GNAI1: variants seen among roughly 807,000 people sequenced by gnomAD.
GNAI1 encodes the protein G protein subunit alpha i1, also known as guanine nucleotide-binding protein G(i) subunit alpha-1.
In GNAI1, 11 loss-of-function variants were observed where a neutral mutation model predicts 38.9. The observed-to-expected ratio is 0.28, with a 90% CI of 0.18 to 0.47. The LOEUF (loss-of-function observed/expected upper bound fraction) is 0.47. GNAI1 is among the 20% of genes least tolerant of loss of function. GNAI1 has a pLI of 0.99. For synonymous variants in GNAI1, 166 were observed against 145.1 expected (o/e 1.14, Z -1.04); for missense variants, 317 against 436.9 (o/e 0.73, Z 2.45).
intron 1 of GNAI1, among the ~76,000 whole-genome samples, chr7:80,139,135 A>G (rs1787478330): frequency 6.9e-6 from 1 of 144,104 alleles, no homozygotes; most frequent in Non-Finnish European, 1.5e-5. Context: ...TTCTCATGGC[A>G]TACCTTGTAT....
chr7:80,207,499 C>T (rs1157873338), intron 5 of GNAI1, among the ~76,000 whole-genome samples: 3 of 152,044 alleles, frequency 2.0e-5, no homozygotes, highest in Non-Finnish European at 4.4e-5. Flanking sequence ...TATTTGGTGA[C>T]TTAAAGATAA....
At chr7:80,177,133 C>T (rs1225387104) in intron 1 of GNAI1, among the ~76,000 whole-genome samples, 2 of 148,720 alleles carry the variant, frequency 1.3e-5, no homozygotes, top group Non-Finnish European at 3.0e-5. Context: ...CGGGTTCATG[C>T]CATTCTCCTG....
chr7:80,196,183 A>G (rs17153558), intron 3 of GNAI1, among the ~76,000 whole-genome samples: 34,196 of 151,942 alleles, frequency 0.23, 5,258 homozygotes, highest in African/African-American at 0.43. Context: ...AGAGCACATG[A>G]ATATATGAAC....
At chr7:80,188,790 C>G (rs1033544463) in intron 1 of GNAI1, among the ~76,000 whole-genome samples, 161 bp from the exon 2 acceptor site, 2 of 151,822 alleles carry the variant, frequency 1.3e-5, no homozygotes, top group African/African-American at 4.8e-5. Context: ...TATTTGCTGC[C>G]TTGTATCTCA....
intron 1 of GNAI1, among the ~76,000 whole-genome samples, chr7:80,162,892 A>G (rs1418131621): frequency 6.6e-6 from 1 of 152,202 alleles, no homozygotes; most frequent in African/African-American, 2.4e-5. Context: ...TGTGTGGGTA[A>G]TATTGATAGG....
intron 1 of GNAI1, among the ~76,000 whole-genome samples, chr7:80,180,835 G>A (rs1413536199): frequency 6.6e-6 from 1 of 152,088 alleles, no homozygotes; most frequent in Non-Finnish European, 1.5e-5. Flanking sequence ...TCCTGACTGG[G>A]CTTCATGTAA....
chr7:80,161,320 T>C (rs1191368674), intron 1 of GNAI1, among the ~76,000 whole-genome samples: 1 of 152,218 alleles, frequency 6.6e-6, no homozygotes, highest in African/African-American at 2.4e-5. Flanking sequence ...TGAAGGCACA[T>C]ACTTATTTAC....
chr7:80,213,644 C>G (rs1788910349), intron 7 of GNAI1, among the ~76,000 whole-genome samples: 1 of 152,040 alleles, frequency 6.6e-6, no homozygotes, highest in Non-Finnish European at 1.5e-5. Context: ...CCCCCTGCAC[C>G]CACCACCTTA....
chr7:80,199,490 A>T (rs1417903618), intron 4 of GNAI1, 108 bp downstream of exon 4: 2 of 764,678 alleles, frequency 2.6e-6, no homozygotes, highest in African/African-American at 3.5e-5. Context: ...TTCTTGTACA[A>T]CTTAGGATAT....
chr7:80,152,434 A>G (rs1019842299), intron 1 of GNAI1, among the ~76,000 whole-genome samples: 2 of 152,090 alleles, frequency 1.3e-5, no homozygotes, highest in Non-Finnish European at 2.9e-5. Context: ...TTTTAACTAG[A>G]TAGTTTAAAA....
At chr7:80,196,357 C>G (rs1788574621) in intron 3 of GNAI1, among the ~76,000 whole-genome samples, 1 of 151,906 alleles carries the variant, frequency 6.6e-6, no homozygotes, top group Non-Finnish European at 1.5e-5. Context: ...CTTTATTAAC[C>G]TGTTAACCCT....
chr7:80,143,344 G>C (rs1421959404), intron 1 of GNAI1, among the ~76,000 whole-genome samples: 1 of 152,052 alleles, frequency 6.6e-6, no homozygotes, highest in South Asian at 2.1e-4. Context: ...TTGATCTTGG[G>C]GGGTGGAGGT....
intron 3 of GNAI1, among the ~76,000 whole-genome samples, chr7:80,197,938 C>T (rs1183531157): frequency 1.3e-5 from 2 of 152,080 alleles, no homozygotes; most frequent in Non-Finnish European, 2.9e-5. Flanking sequence ...TTATAAGCAT[C>T]TGCTACAATA....
intron 7 of GNAI1, among the ~76,000 whole-genome samples, chr7:80,215,305 T>C (rs1237668395): frequency 1.3e-5 from 2 of 152,232 alleles, no homozygotes; most frequent in Non-Finnish European, 2.9e-5. Context: ...CAAATTGAGC[T>C]AGGCACTCAA....
At chr7:80,173,790 A>G (rs1423627625) in intron 1 of GNAI1, among the ~76,000 whole-genome samples, 54 of 152,074 alleles carry the variant, frequency 3.6e-4, no homozygotes. Flanking sequence ...AGTTCCCTCT[A>G]AGTGCAGTCC....
chr7:80,204,249 T>A (rs1788735150), intron 5 of GNAI1, among the ~76,000 whole-genome samples: 1 of 152,092 alleles, frequency 6.6e-6, no homozygotes, highest in Non-Finnish European at 1.5e-5. Context: ...TTAACAATTT[T>A]TTCGTGAACA....
chr7:80,205,184 C>T (rs1158912792), intron 5 of GNAI1, among the ~76,000 whole-genome samples: 1 of 152,054 alleles, frequency 6.6e-6, no homozygotes, highest in Non-Finnish European at 1.5e-5. Context: ...ATTATTCACA[C>T]AGTATTAAAA....
chr7:80,164,401 CG>C (rs1193649001), intron 1 of GNAI1, among the ~76,000 whole-genome samples: 3 of 147,136 alleles, frequency 2.0e-5, no homozygotes, highest in Non-Finnish European at 4.5e-5. Flanking sequence ...CTTGCTCTGT[CG>C]CCCAGGCTGG....
chr7:80,167,018 A>G (rs1788021751), intron 1 of GNAI1, among the ~76,000 whole-genome samples: 1 of 152,222 alleles, frequency 6.6e-6, no homozygotes, highest in Non-Finnish European at 1.5e-5. Flanking sequence ...TATAAATAAT[A>G]GCCAGTGAGA....
Sources: gnomAD v4.1 joint callset for allele counts (sites outside exome capture counted in the v4.1 genomes callset) on GRCh38, gnomAD v4.1.1 for gene constraint, MANE v1.5 for transcripts, NCBI Gene and HGNC (gene_info 2026-07-23, HGNC 2026-07-21) for gene names.